RSPO2: variants seen among roughly 807,000 people sequenced by gnomAD.
RSPO2 encodes R-spondin 2, also known as R-spondin-2.
Under a neutral mutation model 30.9 loss-of-function variants are expected in RSPO2, and 14 were observed. That is an observed-to-expected ratio of 0.45 (90% CI 0.30 to 0.71). RSPO2 has a LOEUF of 0.71. RSPO2 is among the 30% of genes least tolerant of loss of function. The probability of loss-of-function intolerance (pLI) is 0.08; values close to 1 mark genes in which losing one functional copy is unlikely to be tolerated. For synonymous variants in RSPO2, 107 were observed against 96.4 expected (o/e 1.11, Z -0.64); for missense variants, 264 against 301.9 (o/e 0.87, Z 0.93).
chr8:107,994,205 TTATC>T (rs1247806983), intron 2 of RSPO2, among the ~76,000 whole-genome samples: 1 of 152,110 alleles, frequency 6.6e-6, no homozygotes, highest in Non-Finnish European at 1.5e-5. Flanking sequence ...AACTATGCAT[TTATC>T]TAAGTATATT....
intron 3 of RSPO2, chr8:107,983,804 G>T (rs1423304505): frequency 6.2e-7 from 1 of 1,605,280 alleles, no homozygotes; most frequent in Non-Finnish European, 8.5e-7. Flanking sequence ...TATGGAGCTT[G>T]CCACCACATT....
At chr8:108,037,887 A>G (rs1259077906) in intron 2 of RSPO2, among the ~76,000 whole-genome samples, 1 of 152,214 alleles carries the variant, frequency 6.6e-6, no homozygotes, top group Non-Finnish European at 1.5e-5. Flanking sequence ...CTCATTGACA[A>G]TGCACCTGGG....
intron 4 of RSPO2, among the ~76,000 whole-genome samples, chr8:107,959,422 T>C (rs991396835): frequency 9.9e-5 from 15 of 152,176 alleles, no homozygotes; most frequent in African/African-American, 3.6e-4. Context: ...GATAAGGGTA[T>C]ACAAAGCTAA....
intron 2 of RSPO2, among the ~76,000 whole-genome samples, chr8:108,069,846 C>T (rs994248493): frequency 4.6e-5 from 7 of 152,176 alleles, no homozygotes; most frequent in Non-Finnish European, 1.0e-4. Flanking sequence ...CATTTCTCTA[C>T]CTTGTCTGAA....
At chr8:107,990,723 C>CA (rs906648311) in intron 2 of RSPO2, among the ~76,000 whole-genome samples, 7 of 151,650 alleles carry the variant, frequency 4.6e-5, no homozygotes, top group Middle Eastern at 3.4e-3. Flanking sequence ...CACATGGAAC[C>CA]AAAAAAAAGC....
At chr8:107,968,036 A>G (rs1813870339) in intron 3 of RSPO2, among the ~76,000 whole-genome samples, 1 of 152,164 alleles carries the variant, frequency 6.6e-6, no homozygotes, top group South Asian at 2.1e-4. Flanking sequence ...ATTAAAAGTG[A>G]GCTTTTATAA....
intron 5 of RSPO2, among the ~76,000 whole-genome samples, chr8:107,926,325 C>G (rs1397195442): frequency 2.0e-5 from 3 of 152,012 alleles, no homozygotes; most frequent in East Asian, 1.9e-4. Flanking sequence ...GAGTAGATTG[C>G]AAAAATTTTC....
intron 2 of RSPO2, among the ~76,000 whole-genome samples, chr8:108,028,131 C>T (rs1811282369): frequency 6.6e-6 from 1 of 152,188 alleles, no homozygotes; most frequent in South Asian, 2.1e-4. Context: ...ATCTTCACTA[C>T]TGATACCCAG....
chr8:107,978,602 C>T lies in RSPO2; in HGVS notation c.283+10454G>A, dbSNP rs200782330. ...CTAGAAGAAAACCTAGGCAATACCACTCAGGACATAGGCAAGGGCAAGGAC... is the reference window on the plus strand; with the variant it reads ...CTAGAAGAAAACCTAGGCAATACCATTCAGGACATAGGCAAGGGCAAGGAC... On this transcript the variant is annotated intron_variant, in intron 3 of 5. Transcript: ENST00000276659. Among the ~76,000 whole-genome samples, 81 of 152,236 alleles carry T rather than the reference C, an allele frequency of 5.3e-4. 1 individual carries two copies. The East Asian group carries it at 0.014, about 26-fold the overall frequency.
intron 5 of RSPO2, among the ~76,000 whole-genome samples, chr8:107,949,137 A>G (rs1813161514): frequency 6.6e-6 from 1 of 152,018 alleles, no homozygotes; most frequent in Admixed American, 6.6e-5. Context: ...CACTGTACTC[A>G]ATGTGTAGTC....
In RSPO2 at chr8:108,033,049, C is replaced by CAAAAA. The variant is rs35774922; in HGVS notation, c.95-43810_95-43806dup. 3.5e-4 allele frequency among the ~76,000 whole-genome samples: 24 copies of CAAAAA among 68,752 alleles called. 2 individuals are homozygous for CAAAAA. Among genetic ancestry groups the CAAAAA allele is most frequent in the African/African-American group, 1.4e-3 (23 of 16,312 alleles). The allele number at this position is 68,752 out of a possible 152,430, so 45.1% of individuals were successfully genotyped here. On this transcript the variant is annotated intron_variant, in intron 2 of 5. Coordinates refer to ENST00000276659, the MANE Select transcript of RSPO2 (RefSeq NM_178565.5). ...TGGGTGACAGAGCAAGACTCTGTCT[C>CAAAAA]AAAAAAAAAAAAAAAAAAAAAAAAA...
At chr8:108,032,941 T>G (rs1358300532) in intron 2 of RSPO2, among the ~76,000 whole-genome samples, 6 of 149,748 alleles carry the variant, frequency 4.0e-5, no homozygotes. Flanking sequence ...TCCCAGCTAC[T>G]TGGGAGGCTA....
At position 108,071,388 on chromosome 8, in the gene RSPO2, C is replaced by T. The variant is rs530756538; in HGVS notation, c.94+11157G>A. 3.9e-5 allele frequency among the ~76,000 whole-genome samples: 6 copies of T among 152,290 alleles called. No individual in the cohort carries two copies. The South Asian group carries it at 1.2e-3, about 32-fold the overall frequency. On this transcript the variant is annotated intron_variant, in intron 2 of 5. Coordinates refer to ENST00000276659, the MANE Select transcript of RSPO2 (RefSeq NM_178565.5). ...GTGGTGCAAATGGCTTCTCTATCAC[C>T]ACAACAAACTAACCTCAACCCACTA...
chr8:108,002,131 T>C (rs1325408208), intron 2 of RSPO2, among the ~76,000 whole-genome samples: 2 of 152,214 alleles, frequency 1.3e-5, no homozygotes, highest in Non-Finnish European at 2.9e-5. Flanking sequence ...TTATGCCAAG[T>C]GTTGGCTGGA....
chr8:108,006,427 T>C (rs2130573665), intron 2 of RSPO2, among the ~76,000 whole-genome samples: 1 of 152,192 alleles, frequency 6.6e-6, no homozygotes, highest in East Asian at 1.9e-4. Flanking sequence ...TAATGTAATA[T>C]TAGATGAAAG....
chr8:108,004,731 T>C, intron 2 of RSPO2, among the ~76,000 whole-genome samples: 1 of 152,334 alleles, frequency 6.6e-6, no homozygotes, highest in Non-Finnish European at 1.5e-5. Flanking sequence ...ATGTAATATA[T>C]GTGTGTATAC....
chr8:107,982,009 C>CAAAAAAAAAAAAAAAA (rs372977834), intron 3 of RSPO2, among the ~76,000 whole-genome samples: 25 of 55,250 alleles, frequency 4.5e-4, no homozygotes, highest in South Asian at 1.1e-3. Flanking sequence ...ACAACAACAA[C>CAAAAAAAAAAAAAAAA]AAAAAAAAAA....
chr8:107,962,690 A>AT (rs930370941), intron 3 of RSPO2, among the ~76,000 whole-genome samples: 4 of 152,050 alleles, frequency 2.6e-5, no homozygotes, highest in African/African-American at 7.2e-5. Flanking sequence ...TTCTTGCTAT[A>AT]TTTTTTTAAA....
At chr8:107,995,226 CT>C (rs2130541263) in intron 2 of RSPO2, among the ~76,000 whole-genome samples, 1 of 152,226 alleles carries the variant, frequency 6.6e-6, no homozygotes, top group Admixed American at 6.5e-5. Context: ...CCTATCTATG[CT>C]TTCCAAATAA....
Sources: allele counts gnomAD v4.1 joint callset (sites outside exome capture counted in the v4.1 genomes callset), GRCh38; gene constraint gnomAD v4.1.1; transcripts MANE v1.5; gene names NCBI Gene and HGNC (gene_info 2026-07-23, HGNC 2026-07-21).